Variants in SLC24A3 observed in about 807,000 individuals in gnomAD.
The protein encoded by SLC24A3 is solute carrier family 24 member 3.
SLC24A3 carries 28 observed loss-of-function variants against 75.8 expected under a neutral mutation model. The observed-to-expected ratio is 0.37, with a 90% CI of 0.27 to 0.51. SLC24A3 has a LOEUF of 0.51. Ranked by LOEUF, SLC24A3 falls within the 20% of genes least tolerant of loss-of-function variation. SLC24A3 has a pLI of 0.94. For missense variants in SLC24A3, 663 were observed against 847.8 expected, an observed-to-expected ratio of 0.78 and a Z score of 2.71; for synonymous variants, 372 against 334.1, an observed-to-expected ratio of 1.11 and a Z score of -1.24.
At chr20:19,600,432 A>C (rs927713796) in intron 6 of SLC24A3, among the ~76,000 whole-genome samples, 1 of 152,204 alleles carries the variant, frequency 6.6e-6, no homozygotes, top group African/African-American at 2.4e-5. Flanking sequence ...ATATCTCCTT[A>C]ATTTTTATGA....
intron 2 of SLC24A3, among the ~76,000 whole-genome samples, chr20:19,481,214 G>T (rs57355751): frequency 7.4e-6 from 1 of 135,042 alleles, no homozygotes; most frequent in South Asian, 2.4e-4. Context: ...ACATTGCTAC[G>T]TCCTGGCTTG....
intron 1 of SLC24A3, among the ~76,000 whole-genome samples, chr20:19,227,729 T>C (rs1202744208): frequency 6.6e-6 from 1 of 152,212 alleles, no homozygotes; most frequent in African/African-American, 2.4e-5. Flanking sequence ...TTTATGATAT[T>C]TATTTTGTTA....
intron 15 of SLC24A3, among the ~76,000 whole-genome samples, chr20:19,706,034 T>C (rs957994997): frequency 6.6e-6 from 1 of 152,188 alleles, no homozygotes; most frequent in African/African-American, 2.4e-5. Context: ...GCAAAACTCA[T>C]ATTTCTAGCT....
intron 1 of SLC24A3, among the ~76,000 whole-genome samples, chr20:19,275,915 C>G (rs1051664042): frequency 1.3e-5 from 2 of 152,162 alleles, no homozygotes; most frequent in African/African-American, 2.4e-5. Flanking sequence ...TCTTCATCCC[C>G]TACCCCTCCC....
intron 2 of SLC24A3, among the ~76,000 whole-genome samples, chr20:19,410,928 G>A (rs1568611076): frequency 1.3e-5 from 2 of 152,238 alleles, no homozygotes; most frequent in Non-Finnish European, 2.9e-5. Flanking sequence ...ACAGGGAGCT[G>A]TGGTGGGAGT....
intron 2 of SLC24A3, among the ~76,000 whole-genome samples, chr20:19,416,316 C>T (rs1192101709): frequency 1.3e-5 from 2 of 152,228 alleles, no homozygotes; most frequent in Admixed American, 6.5e-5. Context: ...ATTCAGGAAA[C>T]GTGGCCCTTG....
intron 10 of SLC24A3, 98 bp from the exon 11 acceptor site, chr20:19,684,078 A>G: frequency 7.3e-7 from 1 of 1,360,814 alleles, no homozygotes. Flanking sequence ...GGAGGAAAGA[A>G]GGGAGGAAGA....
chr20:19,544,469 A>G (rs2030554992), intron 3 of SLC24A3, among the ~76,000 whole-genome samples: 1 of 152,162 alleles, frequency 6.6e-6, no homozygotes, highest in Admixed American at 6.5e-5. Context: ...CATAAAAGTA[A>G]CGTGAAATTC....
chr20:19,434,164 A>T (rs1987154220), intron 2 of SLC24A3, among the ~76,000 whole-genome samples: 1 of 152,196 alleles, frequency 6.6e-6, no homozygotes, highest in African/African-American at 2.4e-5. Context: ...ATAAGTAAAG[A>T]TTTAGGACTA....
At chr20:19,454,465 G>C (rs1987544958) in intron 2 of SLC24A3, among the ~76,000 whole-genome samples, 1 of 152,172 alleles carries the variant, frequency 6.6e-6, no homozygotes, top group Non-Finnish European at 1.5e-5. Flanking sequence ...CTGTGCTATG[G>C]ATGGTATACA....
intron 6 of SLC24A3, among the ~76,000 whole-genome samples, chr20:19,642,113 A>G (rs1387420077): frequency 6.6e-6 from 1 of 152,220 alleles, no homozygotes; most frequent in Non-Finnish European, 1.5e-5. Context: ...ACAGTGTTTG[A>G]CACTTAAGAA....
At chr20:19,253,717 T>C (rs1982730475) in intron 1 of SLC24A3, among the ~76,000 whole-genome samples, 1 of 152,198 alleles carries the variant, frequency 6.6e-6, no homozygotes, top group South Asian at 2.1e-4. Flanking sequence ...TAACCCAGTC[T>C]GGCAGGAAAA....
chr20:19,688,076 C>G (rs1268732735), intron 12 of SLC24A3, among the ~76,000 whole-genome samples: 1 of 152,162 alleles, frequency 6.6e-6, no homozygotes, highest in Non-Finnish European at 1.5e-5. Flanking sequence ...CATTCAAGGG[C>G]TCCCAGCTGC....
At chr20:19,642,075 G>GA (rs58557741) in intron 6 of SLC24A3, among the ~76,000 whole-genome samples, 3 of 151,756 alleles carry the variant, frequency 2.0e-5, no homozygotes, top group South Asian at 2.1e-4. Flanking sequence ...AAGTTTGTAA[G>GA]AAAAAAAAGG....
chr20:19,431,546 C>T (rs1388490221), intron 2 of SLC24A3, among the ~76,000 whole-genome samples: 1 of 151,888 alleles, frequency 6.6e-6, no homozygotes, highest in Non-Finnish European at 1.5e-5. Context: ...AGGTGCCTGT[C>T]GCCAGCCAGA....
At chr20:19,472,202 AT>A (rs1987885064) in intron 2 of SLC24A3, among the ~76,000 whole-genome samples, 1 of 152,184 alleles carries the variant, frequency 6.6e-6, no homozygotes, top group Admixed American at 6.5e-5. Context: ...CTTTCAACAT[AT>A]TTTTAAATAG....
intron 2 of SLC24A3, among the ~76,000 whole-genome samples, chr20:19,311,348 A>G: frequency 6.6e-6 from 1 of 152,088 alleles, no homozygotes; most frequent in East Asian, 1.9e-4. Flanking sequence ...CACACAGGAA[A>G]TCAGGATGAG....
Position 19,623,794 on chromosome 20 carries a change from G to A in SLC24A3, c.613-30268G>A, listed in dbSNP as rs116943032. On this transcript the variant is annotated intron_variant, in intron 6 of 16. Transcript: ENST00000328041. ...GTGGAGAATGGGCCTGCCAGGGTAT[G>A]AGCGAAACATCTGTGGATGAAGAGC... 2.9e-3 allele frequency among the ~76,000 whole-genome samples: 434 copies of A among 152,276 alleles called. 1 individual carries two copies. The highest frequency in any genetic ancestry group is 4.8e-3 in the Non-Finnish European group (327 of 68,036).
intron 15 of SLC24A3, among the ~76,000 whole-genome samples, chr20:19,709,663 C>T (rs1013904404): frequency 2.0e-5 from 3 of 152,078 alleles, no homozygotes; most frequent in Non-Finnish European, 4.4e-5. Context: ...AGATGCACTT[C>T]TGAGGGTTCT....
Sources: allele counts gnomAD v4.1 joint callset (sites outside exome capture counted in the v4.1 genomes callset), GRCh38; gene constraint gnomAD v4.1.1; transcripts MANE v1.5; gene names NCBI Gene and HGNC (gene_info 2026-07-23, HGNC 2026-07-21).